The following FOXK2 variants were observed in gnomAD, a reference collection of about 807,000 sequenced individuals.
FOXK2 encodes forkhead box protein K2.
Under a neutral mutation model 53.3 loss-of-function variants are expected in FOXK2, and 24 were observed. That is an observed-to-expected ratio of 0.45 (90% confidence interval 0.33 to 0.63). The LOEUF (loss-of-function observed/expected upper bound fraction) is 0.63. Ranked by LOEUF, FOXK2 falls within the 30% of genes least tolerant of loss-of-function variation. The pLI, the probability that FOXK2 is intolerant of heterozygous loss-of-function variation, is 0.03. For missense variants in FOXK2, 952 were observed against 910.5 expected (o/e 1.05, Z -0.59); for synonymous variants, 505 against 407.1 (o/e 1.24, Z -2.89).
At chr17:82,596,362 A>G (rs1214107657) in intron 8 of FOXK2, among the ~76,000 whole-genome samples, 1 of 144,404 alleles carries the variant, frequency 6.9e-6, no homozygotes, top group Non-Finnish European at 1.5e-5. Context: ...TGCTTGGTGT[A>G]GGGGGACCCT....
Position 82,519,743 on chromosome 17 carries a change from C to CCGAT in FOXK2, c.-144_-143insATCG, listed in dbSNP as rs1555634043. 1 of 179,184 alleles carries CCGAT rather than the reference C, an allele frequency of 5.6e-6. No homozygotes were observed. Among genetic ancestry groups the CCGAT allele is most frequent in the East Asian group, 2.0e-4 (1 of 5,110 alleles). 11.1% of individuals were successfully genotyped at this position (179,184 alleles called of 1,614,324 possible). A position where few individuals can be genotyped will look rare whatever the true frequency, so the allele number is the denominator to read the frequency against. ...CCGCGCGTGCTCCCGCCCCTCGCCG[C>CCGAT]CGCTCGCTCGCTCGCCGGCCGGCGG... On this transcript the variant is annotated 5_prime_UTR_variant, in exon 1 of 9. Transcript: ENST00000335255.
At chr17:82,574,451 G>T (rs911396597) in intron 4 of FOXK2, among the ~76,000 whole-genome samples, 1 of 152,030 alleles carries the variant, frequency 6.6e-6, no homozygotes, top group Non-Finnish European at 1.5e-5. Context: ...CTCATGAGTA[G>T]CTGGGACTAC....
At chr17:82,593,082 G>A (rs1024448557) in intron 8 of FOXK2, among the ~76,000 whole-genome samples, 3 of 136,474 alleles carry the variant, frequency 2.2e-5, no homozygotes, top group Non-Finnish European at 4.6e-5. Context: ...AAGACCCAGT[G>A]AAGGTCTCCC....
In FOXK2 at chr17:82,602,098, T is replaced by C. The variant is rs2045393276; in HGVS notation, c.*599T>C. 1 of 152,418 alleles carries C rather than the reference T, an allele frequency of 6.6e-6. No individual in the cohort carries two copies. The highest frequency in any genetic ancestry group is 1.5e-5 in the Non-Finnish European group (1 of 68,076). 9.4% of individuals were successfully genotyped at this position (152,418 alleles called of 1,614,324 possible). On this transcript the variant is annotated 3_prime_UTR_variant, in exon 9 of 9. Coordinates refer to ENST00000335255, the MANE Select transcript of FOXK2 (RefSeq NM_004514.4). Reference sequence around the variant, plus strand: ...GAATGATTTCCTTTTGTCTGTCTTGTTCAAGTTCAGACGAAGCTACTCTGG... The same window carrying C: ...GAATGATTTCCTTTTGTCTGTCTTGCTCAAGTTCAGACGAAGCTACTCTGG...
chr17:82,586,438 T>C (rs1598231625), intron 7 of FOXK2, among the ~76,000 whole-genome samples: 1 of 42,538 alleles, frequency 2.4e-5, no homozygotes, highest in African/African-American at 9.1e-5. Flanking sequence ...CACAGGGAGG[T>C]CAAAGGTGGG....
chr17:82,594,390 C>T lies in FOXK2; in HGVS notation c.1787-6913C>T, dbSNP rs113798291. ...GCGGGCGCCTGTAGTCCCAGCTATT[C>T]GGGAGGCTGAGGCAGGAGAATGGCA... On this transcript the variant is annotated intron_variant, in intron 8 of 8. Transcript: ENST00000335255. Among the ~76,000 whole-genome samples the T allele has an allele frequency of 2.1e-4, 32 of 150,342 alleles. 1 individual carries two copies. The highest frequency in any genetic ancestry group is 7.1e-4 in the African/African-American group (29 of 40,792).
At chr17:82,534,736 A>G (rs1055838469) in intron 1 of FOXK2, among the ~76,000 whole-genome samples, 1 of 152,234 alleles carries the variant, frequency 6.6e-6, no homozygotes, top group African/African-American at 2.4e-5. Context: ...CTCCTCTTAC[A>G]GATGGTAACG....
intron 1 of FOXK2, among the ~76,000 whole-genome samples, chr17:82,530,761 T>C (rs2044466188): frequency 6.6e-6 from 1 of 152,132 alleles, no homozygotes. Context: ...TCCCCTGTCT[T>C]GGCCTCCCAA....
At chr17:82,586,650 C>T (rs2045175350) in intron 7 of FOXK2, among the ~76,000 whole-genome samples, 1 of 151,964 alleles carries the variant, frequency 6.6e-6, no homozygotes, top group African/African-American at 2.4e-5. Context: ...ACCTGTAATC[C>T]CAGCACTATG....
At position 82,587,582 on chromosome 17, in the gene FOXK2, G is replaced by A. The variant is rs983585344; in HGVS notation, c.1786+310G>A. 2.2e-4 allele frequency: 94 copies of A among 419,252 alleles called. 1 individual carries two copies. In the Middle Eastern group the frequency reaches 3.7e-3, roughly 17 times the overall value. The allele number at this position is 419,252 out of a possible 1,614,324, so 26.0% of individuals were successfully genotyped here. ...GCGGCCTGAAACGGCGGGAGCCGCC[G>A]CGTGTCTTTTCCCTTGGCCTCGCGC... On this transcript the variant is annotated intron_variant, in intron 8 of 8. Transcript: ENST00000335255.
At chr17:82,583,505 G>T (rs1567982958) in intron 5 of FOXK2, among the ~76,000 whole-genome samples, 1 of 152,210 alleles carries the variant, frequency 6.6e-6, no homozygotes, top group African/African-American at 2.4e-5. Context: ...CCGAGATTGC[G>T]CCACTTCGTT....
At chr17:82,556,954 C>T (rs1213349857) in intron 1 of FOXK2, among the ~76,000 whole-genome samples, 7 of 152,052 alleles carry the variant, frequency 4.6e-5, no homozygotes, top group South Asian at 4.2e-4. Flanking sequence ...CCACCTGCTT[C>T]GGCCTCCCAA....
At chr17:82,573,562 T>A (rs8069618) in intron 4 of FOXK2, among the ~76,000 whole-genome samples, 23,726 of 82,698 alleles carry the variant, frequency 0.29, 2,128 homozygotes, top group East Asian at 0.38. Context: ...TCTCTCTCTC[T>A]CACACACACA....
rs1284510095 is a variant in FOXK2, at chr17:82,603,036, T to C, written c.*1537T>C. 1 of 152,626 alleles carries C rather than the reference T, an allele frequency of 6.6e-6. No homozygotes were observed. The highest frequency in any genetic ancestry group is 2.4e-5 in the African/African-American group (1 of 41,444). 9.5% of individuals were successfully genotyped at this position (152,626 alleles called of 1,614,324 possible). A position where few individuals can be genotyped will look rare whatever the true frequency, so the allele number is the denominator to read the frequency against. ...ATTTATTATTTACATAAAGACCAAA[T>C]ATGATGAATCTGTTCCGTGAATTGT... On this transcript the variant is annotated 3_prime_UTR_variant, in exon 9 of 9. Coordinates refer to ENST00000335255, the MANE Select transcript of FOXK2 (RefSeq NM_004514.4).
At position 82,603,769 on chromosome 17, in the gene FOXK2, G is replaced by A. The variant is rs547472760; in HGVS notation, c.*2270G>A. 1.1e-4 allele frequency: 16 copies of A among 148,016 alleles called. No homozygotes were observed. The highest frequency in any genetic ancestry group is 1.4e-4 in the Admixed American group (2 of 14,658). 9.2% of individuals were successfully genotyped at this position (148,016 alleles called of 1,614,324 possible). On this transcript the variant is annotated 3_prime_UTR_variant, in exon 9 of 9. Transcript: ENST00000335255. ...GGCACCATTCTGCATCTTGAACCCAGACTGAAGTGTGCCTCTCACAGATGG... is the reference window on the plus strand; with the variant it reads ...GGCACCATTCTGCATCTTGAACCCAAACTGAAGTGTGCCTCTCACAGATGG...
rs149392673 is a variant in FOXK2, at chr17:82,534,459, G to A, written c.419+14152G>A. Among the ~76,000 whole-genome samples, 9 of 152,238 alleles carry A rather than the reference G, an allele frequency of 5.9e-5. No homozygotes were observed. The East Asian group carries it at 1.4e-3, about 23-fold the overall frequency. ...CTTGTTGTTCCCGAGTCTTTGCACC[G>A]GGTGCTGCTCTTCTGCTTCTCCTGC... On this transcript the variant is annotated intron_variant, in intron 1 of 8. Transcript: ENST00000335255.
At chr17:82,532,581 A>C (rs2044482569) in intron 1 of FOXK2, among the ~76,000 whole-genome samples, 1 of 152,226 alleles carries the variant, frequency 6.6e-6, no homozygotes, top group Non-Finnish European at 1.5e-5. Context: ...CAGACATAAA[A>C]AAATATTTTT....
chr17:82,561,934 A>G (rs1262289796), intron 1 of FOXK2, among the ~76,000 whole-genome samples: 1 of 150,960 alleles, frequency 6.6e-6, no homozygotes, highest in Non-Finnish European at 1.5e-5. Context: ...CACTGGGCGC[A>G]CAGATGTGAG....
intron 1 of FOXK2, among the ~76,000 whole-genome samples, chr17:82,530,518 T>G (rs1385973183): frequency 1.3e-5 from 2 of 149,108 alleles, no homozygotes; most frequent in Non-Finnish European, 3.0e-5. Context: ...GTGTTTTTTT[T>G]TTTTTTTTTT....
Sources: gnomAD v4.1 joint callset for allele counts (sites outside exome capture counted in the v4.1 genomes callset) on GRCh38, gnomAD v4.1.1 for gene constraint, MANE v1.5 for transcripts, NCBI Gene and HGNC (gene_info 2026-07-23, HGNC 2026-07-21) for gene names.